BLM: variants seen among roughly 807,000 people sequenced by gnomAD.
BLM encodes the protein BLM RecQ like helicase.
A neutral mutation model predicts 135.3 loss-of-function variants in BLM; 95 were observed. The observed-to-expected ratio is 0.70, with a 90% CI of 0.59 to 0.83. BLM has a LOEUF of 0.83. Among genes scored for constraint, BLM ranks in the 40% least tolerant of loss-of-function variants. The pLI is 0.00. For synonymous variants in BLM, 520 were observed against 589.2 expected, an observed-to-expected ratio of 0.88 and a Z score of 1.70; for missense variants, 1,518 against 1,663.9, an observed-to-expected ratio of 0.91 and a Z score of 1.53.
In BLM at chr15:90,809,131, G is replaced by A. The variant is rs747358693; in HGVS notation, c.3752-6G>A. Reference sequence around the variant, plus strand: ...TTTAAATTCCTAATTTTATGCCTTTGCACAGAATCTTTATCTTCTGATCCT... The same window carrying A: ...TTTAAATTCCTAATTTTATGCCTTTACACAGAATCTTTATCTTCTGATCCT... On this transcript the variant is annotated splice_region_variant and splice_polypyrimidine_tract_variant and intron_variant, in intron 19 of 21. Coordinates refer to ENST00000355112, the MANE Select transcript of BLM (RefSeq NM_000057.4). The A allele has an allele frequency of 5.0e-6, 8 of 1,613,992 alleles. No homozygotes were observed. The East Asian group carries it at 1.6e-4, about 31-fold the overall frequency.
chr15:90,793,976 T>C (rs1896966861), intron 15 of BLM, 191 bp from the exon 16 acceptor site: 3 of 396,918 alleles, frequency 7.6e-6, no homozygotes, highest in Non-Finnish European at 1.3e-5. Context: ...TTTATTCCTA[T>C]AGTACTAAAA....
Position 90,768,995 on chromosome 15 carries a change from G to C in BLM, c.2308-138G>C, listed in dbSNP as rs898607531. ...CCCACCTCGGCTTCCCAAAGTGCTG[G>C]GATTACAGGCGTGAGCCACCGCACC... On this transcript the variant is annotated intron_variant, in intron 10 of 21. Coordinates refer to ENST00000355112, the MANE Select transcript of BLM (RefSeq NM_000057.4). 2.2e-4 allele frequency: 175 copies of C among 778,992 alleles called. No homozygotes were observed. The Admixed American group carries it at 3.3e-3, about 15-fold the overall frequency. The allele number at this position is 778,992 out of a possible 1,614,324, so 48.3% of individuals were successfully genotyped here.
At chr15:90,806,682 T>C (rs1210498845) in intron 19 of BLM, among the ~76,000 whole-genome samples, 1 of 152,190 alleles carries the variant, frequency 6.6e-6, no homozygotes, top group Non-Finnish European at 1.5e-5. Context: ...ATTTCAGTAG[T>C]AGAGTTCCTG....
At chr15:90,736,697 T>C (rs1895226990) in intron 1 of BLM, among the ~76,000 whole-genome samples, 1 of 152,232 alleles carries the variant, frequency 6.6e-6, no homozygotes, top group African/African-American at 2.4e-5. Flanking sequence ...TGGAGTACTG[T>C]ACAGCTGTAA....
intron 12 of BLM, among the ~76,000 whole-genome samples, chr15:90,770,328 C>T (rs1313241428): frequency 6.6e-6 from 1 of 152,124 alleles, no homozygotes; most frequent in East Asian, 1.9e-4. Flanking sequence ...GCGCCCGCCA[C>T]CACGCCAGGC....
At chr15:90,768,978 G>A (rs1896216563) in intron 10 of BLM, among the ~76,000 whole-genome samples, 155 bp from the exon 11 acceptor site, 1 of 152,192 alleles carries the variant, frequency 6.6e-6, no homozygotes. Flanking sequence ...CACCCACCTC[G>A]GCTTCCCAAA....
rs2151146691 is a variant in BLM at position 90,749,381 on chromosome 15, A to C, written c.113A>C (p.Lys38Thr). The change falls in exon 3 of 22, where the codon AAA (lysine) becomes ACA (threonine). Residue 38 changes from lysine (K) to threonine (T), a missense_variant. By Grantham distance (78) the Lys-to-Thr change is moderately conservative (BLOSUM62 -1). Transcript: ENST00000355112. ...SKPKFSGFTF[K>T]KKTSSDNNVS... Reference sequence around the variant, plus strand: ...TTATTTTTCAGAGGTTTCACTTTTAAAAAGAAAACATCTTCAGATAACAAT... The same window carrying C: ...TTATTTTTCAGAGGTTTCACTTTTACAAAGAAAACATCTTCAGATAACAAT... 3 of 1,603,610 alleles carry C rather than the reference A, an allele frequency of 1.9e-6. No individual in the cohort carries two copies. The highest frequency in any genetic ancestry group is 2.6e-6 in the Non-Finnish European group (3 of 1,171,682).
rs370608122 is a variant in BLM at position 90,750,083 on chromosome 15, T to G, written c.799+16T>G. ...GATGAAAGAGGTAACAATTATTTTA[T>G]CTTCATTTTAGTATGTTCATTGTAC... On this transcript the variant is annotated intron_variant, in intron 3 of 21. Coordinates refer to ENST00000355112, the MANE Select transcript of BLM (RefSeq NM_000057.4). The G allele has an allele frequency of 2.2e-5, 36 of 1,610,844 alleles. No individual in the cohort carries two copies. Among genetic ancestry groups the G allele is most frequent in the African/African-American group, 5.3e-5 (4 of 74,864 alleles).
chr15:90,798,518 A>G (rs565223943), intron 17 of BLM, among the ~76,000 whole-genome samples, 181 bp downstream of exon 17: 42 of 152,242 alleles, frequency 2.8e-4, no homozygotes, highest in Non-Finnish European at 4.0e-4. Context: ...TGTATATGTC[A>G]CTAAGTTGAG....
intron 8 of BLM, 130 bp downstream of exon 8, chr15:90,763,287 A>G (rs769926902): frequency 6.5e-6 from 6 of 921,850 alleles, no homozygotes; most frequent in Non-Finnish European, 1.0e-5. Context: ...CTCCTGTACC[A>G]TAGTGAGAAA....
intron 1 of BLM, among the ~76,000 whole-genome samples, chr15:90,720,312 G>C (rs921292847): frequency 1.3e-5 from 2 of 152,176 alleles, no homozygotes; most frequent in African/African-American, 2.4e-5. Flanking sequence ...GAGAGTGAAA[G>C]TTCTTGGAGT....
intron 1 of BLM, among the ~76,000 whole-genome samples, chr15:90,736,715 T>C (rs116252812): frequency 3.6e-4 from 54 of 152,038 alleles, no homozygotes; most frequent in African/African-American, 1.3e-3. Flanking sequence ...TAAAGAAGAA[T>C]GAGGAAAATC....
intron 9 of BLM, among the ~76,000 whole-genome samples, chr15:90,766,030 G>A (rs1194508566): frequency 2.0e-5 from 3 of 152,218 alleles, no homozygotes; most frequent in African/African-American, 7.2e-5. Context: ...GGTCGCTAGA[G>A]CCCAGGAGTT....
chr15:90,771,384 G>C (rs2151168209), intron 12 of BLM, among the ~76,000 whole-genome samples: 1 of 152,256 alleles, frequency 6.6e-6, no homozygotes, highest in Admixed American at 6.5e-5. Flanking sequence ...CTACTCAGGA[G>C]GCTGAGGCAG....
chr15:90,787,656 A>G (rs1299635966), intron 14 of BLM, among the ~76,000 whole-genome samples: 1 of 152,100 alleles, frequency 6.6e-6, no homozygotes, highest in South Asian at 2.1e-4. Context: ...AGAAATAAAA[A>G]TCCAGTTTAT....
chr15:90,723,321 G>A (rs776886441), intron 1 of BLM, among the ~76,000 whole-genome samples: 71 of 150,070 alleles, frequency 4.7e-4, no homozygotes, highest in Middle Eastern at 3.5e-3. Flanking sequence ...ATTCTTCCAC[G>A]TTGTAGATAT....
chr15:90,811,423 C>A lies in BLM; in HGVS notation c.4076+17C>A, dbSNP rs2151200054. 1 of 1,612,328 alleles carries A rather than the reference C, an allele frequency of 6.2e-7. No homozygotes were observed. The highest frequency in any genetic ancestry group is 8.5e-7 in the Non-Finnish European group (1 of 1,178,534). Reference sequence around the variant, plus strand: ...GGCAAAGGGGTATGTTTTGTGACATCTTTTTCAATATAGGGAACAAGGGAA... The same window carrying A: ...GGCAAAGGGGTATGTTTTGTGACATATTTTTCAATATAGGGAACAAGGGAA... On this transcript the variant is annotated intron_variant, in intron 21 of 21. Coordinates refer to ENST00000355112, the MANE Select transcript of BLM (RefSeq NM_000057.4).
intron 1 of BLM, among the ~76,000 whole-genome samples, chr15:90,722,594 A>G (rs564230519): frequency 6.6e-6 from 1 of 152,286 alleles, no homozygotes; most frequent in South Asian, 2.1e-4. Context: ...CTCTGTCTCA[A>G]AAAAATAAAA....
At chr15:90,781,814 T>C (rs564159848) in intron 12 of BLM, among the ~76,000 whole-genome samples, 1 of 152,290 alleles carries the variant, frequency 6.6e-6, no homozygotes, top group South Asian at 2.1e-4. Context: ...TTTGGGAACA[T>C]TGATGGCCTA....
Sources: allele counts gnomAD v4.1 joint callset (sites outside exome capture counted in the v4.1 genomes callset), GRCh38; gene constraint gnomAD v4.1.1; transcripts MANE v1.5; gene names NCBI Gene and HGNC (gene_info 2026-07-23, HGNC 2026-07-21).